Variants in TTC21A observed in about 807,000 individuals in gnomAD.
TTC21A encodes the protein tetratricopeptide repeat protein 21A.
In TTC21A, 128 loss-of-function variants were observed where a neutral mutation model predicts 156.4. That is an observed-to-expected ratio of 0.82 (90% CI 0.71 to 0.95). TTC21A has a LOEUF of 0.95. TTC21A is among the 40% of genes least tolerant of loss of function. TTC21A has a pLI of 0.00. For synonymous variants in TTC21A, 587 were observed against 617.1 expected, an observed-to-expected ratio of 0.95 and a Z score of 0.72; for missense variants, 1,435 against 1,602.3, an observed-to-expected ratio of 0.90 and a Z score of 1.78.
Position 39,135,110 on chromosome 3 carries a change from G to A in TTC21A, c.2880G>A (p.Met960Ile). 7 of 1,606,820 alleles carry A rather than the reference G, an allele frequency of 4.4e-6. No individual in the cohort carries two copies. Among genetic ancestry groups the A allele is most frequent in the Non-Finnish European group, 6.0e-6 (7 of 1,175,720 alleles). Residue 960 changes from methionine (M) to isoleucine (I), a missense_variant, in exon 22 of 29, where the codon ATG becomes ATA. By Grantham distance (10) the Met-to-Ile change is conservative. Coordinates refer to ENST00000683103, the MANE Select transcript of TTC21A (RefSeq NM_001366900.1). ...TCTGATAGTTGATGGCTGACCTGAT[G>A]TTTAGAAAACAGAAACATGAAGCGG... ...ETASVLMADL[M>I]FRKQKHEAAI...
intron 9 of TTC21A, among the ~76,000 whole-genome samples, chr3:39,124,063 T>C (rs1231307464): frequency 6.6e-6 from 1 of 152,222 alleles, no homozygotes; most frequent in African/African-American, 2.4e-5. Flanking sequence ...TAATATAAGT[T>C]CAAGTATCTT....
Position 39,134,461 on chromosome 3 carries a change from C to A in TTC21A, c.2862+133C>A, listed in dbSNP as rs753607969. The A allele has an allele frequency of 1.1e-5, 8 of 750,762 alleles. No individual in the cohort carries two copies. The highest frequency in any genetic ancestry group is 1.7e-5 in the Non-Finnish European group (7 of 412,486). The allele number at this position is 750,762 out of a possible 1,614,324, so 46.5% of individuals were successfully genotyped here. On this transcript the variant is annotated intron_variant, in intron 21 of 28. Transcript: ENST00000683103. This position sits in a 1 kb window ranked among gnomAD's most constrained non-coding sequence, Gnocchi z 4.6. Reference sequence around the variant, plus strand: ...GACACACCTCTGAGGAGCTGTCGGGCAGAGAGGACTCAGTGCTGCACCTAC... The same window carrying A: ...GACACACCTCTGAGGAGCTGTCGGGAAGAGAGGACTCAGTGCTGCACCTAC...
chr3:39,134,592 T>G lies in TTC21A; in HGVS notation c.2862+264T>G. 1.8e-6 allele frequency: 1 copy of G among 568,150 alleles called. No individual in the cohort carries two copies. The highest frequency in any genetic ancestry group is 3.2e-6 in the Non-Finnish European group (1 of 311,386). 35.2% of individuals were successfully genotyped at this position (568,150 alleles called of 1,614,324 possible). A position where few individuals can be genotyped will look rare whatever the true frequency, so the allele number is the denominator to read the frequency against. ...TTGATTCACCCCAGGGGAAAGCACA[T>G]TCACTGTAGGTGAAGGCAAGGGCGG... On this transcript the variant is annotated intron_variant, in intron 21 of 28. Coordinates refer to ENST00000683103, the MANE Select transcript of TTC21A (RefSeq NM_001366900.1). The surrounding 1 kb of genome is among the most constrained non-coding windows in gnomAD (Gnocchi z 4.6).
intron 4 of TTC21A, among the ~76,000 whole-genome samples, chr3:39,111,644 G>A (rs2036838764): frequency 6.6e-6 from 1 of 152,082 alleles, no homozygotes; most frequent in Non-Finnish European, 1.5e-5. Context: ...GTCCCTGGGG[G>A]AGAGGGTGAA....
intron 10 of TTC21A, 43 bp downstream of exon 10, chr3:39,125,203 C>T (rs6779891): frequency 5.8e-6 from 9 of 1,542,184 alleles, no homozygotes; most frequent in Admixed American, 5.0e-5. Flanking sequence ...GGATGATGTC[C>T]TCTGCTGTCC....
At position 39,110,859 on chromosome 3, in the gene TTC21A, G is replaced by A. The variant is rs1452969098; in HGVS notation, c.277G>A (p.Ala93Thr). The stretch of plus-strand genomic sequence containing the variant: ...CGCTCTTGGATTTACAGACCGAGAA[G>A]CAATTCAGGAGCTTGAGTACAGCCT... The part of the protein sequence containing the change: ...HKRCEIIDRE[A>T]IQELEYSLKE... The change falls in exon 4 of 29, where the codon GCA becomes ACA. Residue 93 changes from alanine to threonine, a missense_variant. Ala to Thr is a moderately conservative substitution (Grantham distance 58, BLOSUM62 0). Transcript: ENST00000683103. 1 of 1,613,806 alleles carries A rather than the reference G, an allele frequency of 6.2e-7. No individual in the cohort carries two copies. Among genetic ancestry groups the A allele is most frequent in the Admixed American group, 1.7e-5 (1 of 59,988 alleles).
chr3:39,130,216 A>C lies in TTC21A; in HGVS notation c.2209-32A>C. 1 of 1,611,202 alleles carries C rather than the reference A, an allele frequency of 6.2e-7. No homozygotes were observed. The highest frequency in any genetic ancestry group is 8.5e-7 in the Non-Finnish European group (1 of 1,177,984). ...AGTCTCCCTTCTCCAGTGGGAGAGA[A>C]GAGGAAGACCCAAAGACACTTTCCC... On this transcript the variant is annotated intron_variant, in intron 16 of 28. Coordinates refer to ENST00000683103, the MANE Select transcript of TTC21A (RefSeq NM_001366900.1). This position sits in a 1 kb window ranked among gnomAD's most constrained non-coding sequence, Gnocchi z 4.5.
chr3:39,110,912 G>GA lies in TTC21A; in HGVS notation c.331dup (p.Thr111AsnfsTer17), dbSNP rs1559667092. 1 of 1,614,060 alleles carries GA rather than the reference G, an allele frequency of 6.2e-7. No individual in the cohort carries two copies. The highest frequency in any genetic ancestry group is 1.7e-5 in the Admixed American group (1 of 60,032). ...AGGAAATACGCAAGACAGTCAGTGG[G>GA]ACTGCACTGTACTATGCTGGCCTTT... On this transcript the variant is annotated frameshift_variant, in exon 4 of 29. Transcript: ENST00000683103. LOFTEE classifies it high-confidence loss of function.
chr3:39,123,575 A>G (rs2125810123), intron 9 of TTC21A, among the ~76,000 whole-genome samples: 1 of 152,340 alleles, frequency 6.6e-6, no homozygotes, highest in Middle Eastern at 3.4e-3. Context: ...CAGATGAATT[A>G]AGTATTAAAC....
rs753220993 is a variant in TTC21A at position 39,131,133 on chromosome 3, C to T, written c.2562+38C>T. 7.2e-6 allele frequency: 11 copies of T among 1,530,260 alleles called. No homozygotes were observed. The Admixed American group carries it at 1.7e-4, about 23-fold the overall frequency. The allele number at this position is 1,530,260 out of a possible 1,614,324, so 94.8% of individuals were successfully genotyped here. A position where few individuals can be genotyped will look rare whatever the true frequency, so the allele number is the denominator to read the frequency against. On this transcript the variant is annotated intron_variant, in intron 19 of 28. Transcript: ENST00000683103. Reference sequence around the variant, plus strand: ...TGGACTCAAGCTCTTTATCTGCCATCTGCTGATGGGGGCTGAAGGAGGAGG... The same window carrying T: ...TGGACTCAAGCTCTTTATCTGCCATTTGCTGATGGGGGCTGAAGGAGGAGG...
chr3:39,127,086 C>T (rs1042033988), intron 12 of TTC21A, among the ~76,000 whole-genome samples: 15 of 152,178 alleles, frequency 9.9e-5, no homozygotes, highest in Non-Finnish European at 2.9e-5. Context: ...GGGGCCCTTT[C>T]ACCTTCTCCC....
chr3:39,137,431 C>T (rs1452274579), intron 25 of TTC21A, 44 bp downstream of exon 25: 14 of 1,610,554 alleles, frequency 8.7e-6, no homozygotes, highest in East Asian at 4.5e-5. Flanking sequence ...GTGGCAGGGC[C>T]GAGAAGACCA....
intron 6 of TTC21A, 113 bp downstream of exon 6, chr3:39,114,855 G>A (rs2037143632): frequency 7.6e-7 from 1 of 1,311,298 alleles, no homozygotes. Flanking sequence ...TAGAGGAACT[G>A]GGAATTGTGC....
intron 10 of TTC21A, 73 bp downstream of exon 10, chr3:39,125,233 T>C (rs2038124153): frequency 3.9e-6 from 6 of 1,538,648 alleles, no homozygotes; most frequent in East Asian, 2.2e-5. Flanking sequence ...CACTTTCCAA[T>C]AGAAAGCATG....
In TTC21A at chr3:39,134,852, A is replaced by G. The variant is rs529393305; in HGVS notation, c.2863-241A>G. On this transcript the variant is annotated intron_variant, in intron 21 of 28. Coordinates refer to ENST00000683103, the MANE Select transcript of TTC21A (RefSeq NM_001366900.1). This position sits in a 1 kb window ranked among gnomAD's most constrained non-coding sequence, Gnocchi z 4.6. ...TACCACTAGTCTTACCTTCCCATGT[A>G]CATCCTCAACCCAACTCTTCTTGCC... 7 of 585,448 alleles carry G rather than the reference A, an allele frequency of 1.2e-5. No homozygotes were observed. The South Asian group carries it at 1.5e-4, about 12-fold the overall frequency. 36.3% of individuals were successfully genotyped at this position (585,448 alleles called of 1,614,324 possible).
intron 13 of TTC21A, 89 bp downstream of exon 13, chr3:39,128,577 G>A: frequency 6.3e-7 from 1 of 1,581,006 alleles, no homozygotes; most frequent in Non-Finnish European, 8.6e-7. Context: ...GGGGCTAGCT[G>A]TGTCCCGTAG....
chr3:39,125,536 A>G lies in TTC21A; in HGVS notation c.1392+4A>G, dbSNP rs1267556470. ...CTTGCTCTTCTGCCCCAAGCAGGTT[A>G]GGGGAAGGCCTGTCTTCATGGTGGG... On this transcript the variant is annotated splice_donor_region_variant and intron_variant, in intron 11 of 28. Transcript: ENST00000683103. 2 of 1,605,416 alleles carry G rather than the reference A, an allele frequency of 1.2e-6. No individual in the cohort carries two copies. The highest frequency in any genetic ancestry group is 4.5e-5 in the East Asian group (2 of 44,858).
chr3:39,127,532 A>G (rs2038370001), intron 12 of TTC21A, among the ~76,000 whole-genome samples: 1 of 152,122 alleles, frequency 6.6e-6, no homozygotes, highest in African/African-American at 2.4e-5. Context: ...TCACATTTCC[A>G]CAGCACATAA....
At chr3:39,112,405 G>A in intron 4 of TTC21A, 53 bp from the exon 5 acceptor site, 1 of 1,598,906 alleles carries the variant, frequency 6.3e-7, no homozygotes, top group Non-Finnish European at 8.6e-7. Context: ...TGCAGGCTGA[G>A]TTGATTCTGT....
Sources: gnomAD v4.1 joint callset for allele counts (sites outside exome capture counted in the v4.1 genomes callset) on GRCh38, gnomAD v4.1.1 for gene constraint, Gnocchi (gnomAD v3.1) non-coding constraint, MANE v1.5 for transcripts, NCBI Gene and HGNC (gene_info 2026-07-23, HGNC 2026-07-21) for gene names.